FAM133B: variants seen among roughly 807,000 people sequenced by gnomAD.
The protein encoded by FAM133B is family with sequence similarity 133 member B.
A neutral mutation model predicts 46.4 loss-of-function variants in FAM133B; 25 were observed. That is an observed-to-expected ratio of 0.54 (90% CI 0.39 to 0.75). FAM133B has a LOEUF of 0.75. Ranked by LOEUF, FAM133B falls within the 30% of genes least tolerant of loss-of-function variation. FAM133B has a pLI of 0.00. For missense variants in FAM133B, 205 were observed against 277.6 expected, an observed-to-expected ratio of 0.74 and a Z score of 1.86; for synonymous variants, 75 against 86.0, an observed-to-expected ratio of 0.87 and a Z score of 0.71.
In FAM133B at chr7:92,578,375, C is replaced by A; in HGVS notation, c.220G>T (p.Glu74Ter). The change falls in exon 4 of 11, where the codon GAA becomes TAA. Residue 74 changes from glutamate (E) to a stop codon, truncating the protein, a stop_gained. Transcript: ENST00000445716. LOFTEE classifies it high-confidence loss of function. ...CTTAACAATTTCTCCCTGTGTTTTT[C>A]CAGTTCTTTCTTCCAGTTCTGCAAA... Reference protein sequence around the residue: ...KMNENWKKELEKHREKLLSGS... With the variant: ...KMNENWKKEL 1.9e-6 allele frequency: 3 copies of A among 1,613,204 alleles called. No homozygotes were observed. Among genetic ancestry groups the A allele is most frequent in the Non-Finnish European group, 2.5e-6 (3 of 1,179,584 alleles).
At chr7:92,585,016 C>T (rs78754376) in intron 1 of FAM133B, among the ~76,000 whole-genome samples, 2,329 of 151,488 alleles carry the variant, frequency 0.015, 66 homozygotes, top group African/African-American at 0.054. Context: ...AAACAAAAAC[C>T]CTCTGTATAT....
intron 1 of FAM133B, among the ~76,000 whole-genome samples, chr7:92,582,960 T>G (rs923286126): frequency 6.6e-6 from 1 of 152,222 alleles, no homozygotes; most frequent in African/African-American, 2.4e-5. Flanking sequence ...AACTACCACA[T>G]GATCCTATAT....
intron 8 of FAM133B, 60 bp from the exon 9 acceptor site, chr7:92,569,975 TTTCTAAG>T (rs1457656437): frequency 2.8e-6 from 2 of 724,304 alleles, no homozygotes; most frequent in Non-Finnish European, 4.0e-6. Flanking sequence ...ACATTTTATG[TTTCTAAG>T]TTCTATTTAA....
At chr7:92,577,903 A>G (rs1355169942) in intron 5 of FAM133B, 186 bp from the exon 6 acceptor site, 1 of 651,330 alleles carries the variant, frequency 1.5e-6, no homozygotes, top group African/African-American at 1.8e-5. Flanking sequence ...AAGTTAACAT[A>G]TGTGGCCATG....
rs892905214 is a variant in FAM133B at position 92,590,366 on chromosome 7, G to C, written c.-75C>G. 1.2e-5 allele frequency: 20 copies of C among 1,606,150 alleles called. No homozygotes were observed. The African/African-American group carries it at 1.6e-4, about 13-fold the overall frequency. On this transcript the variant is annotated 5_prime_UTR_variant, in exon 1 of 11. Coordinates refer to ENST00000445716, the MANE Select transcript of FAM133B (RefSeq NM_152789.4). ...AGACTGCCGAAGAGGGCCTGCCGCAGGTCCTCTTGCCGCCTCCCCACTCCG... is the reference window on the plus strand; with the variant it reads ...AGACTGCCGAAGAGGGCCTGCCGCACGTCCTCTTGCCGCCTCCCCACTCCG...
chr7:92,575,718 C>A, intron 8 of FAM133B, 53 bp downstream of exon 8: 1 of 849,870 alleles, frequency 1.2e-6, no homozygotes, highest in South Asian at 1.7e-5. Context: ...TTATTTAAGT[C>A]AATTAAGTAT....
rs191143486 is a variant in FAM133B at position 92,585,497 on chromosome 7, C to G, written c.25-3894G>C. The G allele has an allele frequency of 6.1e-4, 227 of 373,280 alleles. 1 individual carries two copies. The highest frequency in any genetic ancestry group is 5.3e-3 in the Middle Eastern group (4 of 754). The allele number at this position is 373,280 out of a possible 1,614,324, so 23.1% of individuals were successfully genotyped here. ...GATATTCAGGTCTAAATTACTAAAACAGCAAACACTGAAAACACCCAAATA... is the reference window on the plus strand; with the variant it reads ...GATATTCAGGTCTAAATTACTAAAAGAGCAAACACTGAAAACACCCAAATA... On this transcript the variant is annotated intron_variant, in intron 1 of 10. Coordinates refer to ENST00000445716, the MANE Select transcript of FAM133B (RefSeq NM_152789.4).
rs1795167676 is a variant in FAM133B at position 92,590,343 on chromosome 7, A to ACTGCCGAAGAGG, written c.-64_-53dup. The stretch of plus-strand genomic sequence containing the variant: ...CGCCGAGGGAAACCGGGCCGGAGAG[A>ACTGCCGAAGAGG]CTGCCGAAGAGGGCCTGCCGCAGGT... On this transcript the variant is annotated 5_prime_UTR_variant, in exon 1 of 11. Coordinates refer to ENST00000445716, the MANE Select transcript of FAM133B (RefSeq NM_152789.4). 10 of 1,611,286 alleles carry ACTGCCGAAGAGG rather than the reference A, an allele frequency of 6.2e-6. No homozygotes were observed. The Admixed American group carries it at 1.5e-4, about 24-fold the overall frequency.
chr7:92,565,831 T>C (rs1794330942), intron 10 of FAM133B, 183 bp downstream of exon 10: 9 of 610,706 alleles, frequency 1.5e-5, no homozygotes, highest in Non-Finnish European at 2.0e-5. Context: ...AGGGTATTTT[T>C]TATTTTTCCT....
intron 1 of FAM133B, among the ~76,000 whole-genome samples, chr7:92,582,574 T>C (rs573786798): frequency 6.6e-6 from 1 of 152,100 alleles, no homozygotes; most frequent in Non-Finnish European, 1.5e-5. Flanking sequence ...GAGAAAATAT[T>C]TGTAAATCAT....
intron 2 of FAM133B, 95 bp downstream of exon 2, chr7:92,581,411 A>G: frequency 9.9e-7 from 1 of 1,009,152 alleles, no homozygotes; most frequent in Non-Finnish European, 1.5e-6. Context: ...TTATCTGGCA[A>G]TTGCTTGGTA....
At chr7:92,572,695 G>T (rs961653335) in intron 8 of FAM133B, among the ~76,000 whole-genome samples, 3 of 152,062 alleles carry the variant, frequency 2.0e-5, no homozygotes, top group African/African-American at 7.2e-5. Context: ...CTCCAGCCTG[G>T]GCAACAGAGC....
At chr7:92,583,462 T>C (rs1794946990) in intron 1 of FAM133B, among the ~76,000 whole-genome samples, 2 of 152,216 alleles carry the variant, frequency 1.3e-5, no homozygotes, top group African/African-American at 4.8e-5. Context: ...GTAAATTTTG[T>C]TATACATATT....
intron 7 of FAM133B, 71 bp downstream of exon 7, chr7:92,577,032 G>A: frequency 1.1e-6 from 1 of 896,510 alleles, no homozygotes; most frequent in South Asian, 2.6e-5. Context: ...TTTAAATTGA[G>A]AGCAACTTTA....
intron 1 of FAM133B, among the ~76,000 whole-genome samples, chr7:92,586,237 C>T (rs974572133): frequency 2.0e-5 from 3 of 152,100 alleles, no homozygotes; most frequent in Admixed American, 1.3e-4. Context: ...TAAGTACACT[C>T]CAAATATCTC....
chr7:92,580,558 G>C (rs1362421600), intron 2 of FAM133B, among the ~76,000 whole-genome samples: 2 of 152,206 alleles, frequency 1.3e-5, no homozygotes, highest in African/African-American at 4.8e-5. Flanking sequence ...GATCCCACTA[G>C]GGGAGGACCC....
At chr7:92,581,435 A>G (rs1794867012) in intron 2 of FAM133B, 71 bp downstream of exon 2, 1 of 1,273,348 alleles carries the variant, frequency 7.9e-7, no homozygotes, top group African/African-American at 1.5e-5. Context: ...AATAAAATCA[A>G]TTAAAGTCTT....
chr7:92,569,918 A>G lies in FAM133B; in HGVS notation c.517-3T>C. On this transcript the variant is annotated splice_region_variant and splice_polypyrimidine_tract_variant and intron_variant, in intron 8 of 10. Coordinates refer to ENST00000445716, the MANE Select transcript of FAM133B (RefSeq NM_152789.4). ...TTTTTGCTGAGTCCTTTAATATCCT[A>G]TGAAAAATAAATACATTTATCTTGA... is the stretch of plus-strand genomic sequence containing the variant. The G allele has an allele frequency of 2.3e-6, 3 of 1,291,536 alleles. No individual in the cohort carries two copies. Among genetic ancestry groups the G allele is most frequent in the Non-Finnish European group, 3.1e-6 (3 of 982,490 alleles). The allele number at this position is 1,291,536 out of a possible 1,614,324, so 80.0% of individuals were successfully genotyped here.
chr7:92,588,930 G>A (rs1795112608), intron 1 of FAM133B, among the ~76,000 whole-genome samples: 1 of 152,096 alleles, frequency 6.6e-6, no homozygotes, highest in African/African-American at 2.4e-5. Context: ...TAAGCTTCCT[G>A]TACAGCCCAT....
Sources: gnomAD v4.1 joint callset for allele counts (sites outside exome capture counted in the v4.1 genomes callset) on GRCh38, gnomAD v4.1.1 for gene constraint, MANE v1.5 for transcripts, NCBI Gene and HGNC (gene_info 2026-07-23, HGNC 2026-07-21) for gene names.